The following LUZP2 variants were observed in gnomAD, a reference collection of about 807,000 sequenced individuals.
LUZP2 encodes the protein leucine zipper protein 2.
In LUZP2, 52 loss-of-function variants were observed where a neutral mutation model predicts 51.6. The observed-to-expected ratio is 1.01, with a 90% CI of 0.81 to 1.27. The LOEUF (loss-of-function observed/expected upper bound fraction) is 1.27, where lower values mean the gene tolerates loss of function less well. LUZP2 is among the 50% of genes most tolerant of loss of function. The pLI is 0.00. For synonymous variants in LUZP2, 154 were observed against 137.3 expected, an observed-to-expected ratio of 1.12 and a Z score of -0.85; for missense variants, 436 against 395.4, an observed-to-expected ratio of 1.10 and a Z score of -0.87.
At chr11:24,803,676 CACG>C (rs897813142) in intron 5 of LUZP2, among the ~76,000 whole-genome samples, 1 of 151,928 alleles carries the variant, frequency 6.6e-6, no homozygotes, top group African/African-American at 2.4e-5. Flanking sequence ...TGACATATGC[CACG>C]ACATGATGAA....
chr11:25,020,890 T>C lies in LUZP2; in HGVS notation c.766-29148T>C, dbSNP rs183161647. Reference sequence around the variant, plus strand: ...TCCAAGAGAATAATTTGGAATGTTATTAAATTAGAAATGCTACAAACATTT... The same window carrying C: ...TCCAAGAGAATAATTTGGAATGTTACTAAATTAGAAATGCTACAAACATTT... On this transcript the variant is annotated intron_variant, in intron 9 of 11. Coordinates refer to ENST00000336930, the MANE Select transcript of LUZP2 (RefSeq NM_001009909.4). Among the ~76,000 whole-genome samples the C allele has an allele frequency of 2.4e-4, 36 of 152,236 alleles. No individual in the cohort carries two copies. The East Asian group carries it at 5.4e-3, about 23-fold the overall frequency.
At chr11:24,839,839 A>T (rs886946003) in intron 5 of LUZP2, among the ~76,000 whole-genome samples, 2 of 151,752 alleles carry the variant, frequency 1.3e-5, no homozygotes, top group Non-Finnish European at 3.0e-5. Context: ...TTAGAATATA[A>T]ATGGAAATAA....
intron 7 of LUZP2, among the ~76,000 whole-genome samples, chr11:24,921,366 C>A (rs951184829): frequency 5.3e-5 from 8 of 152,202 alleles, no homozygotes; most frequent in East Asian, 3.9e-4. Flanking sequence ...CCTGGCCCTC[C>A]CACCTTAGTC....
At chr11:24,811,594 C>A (rs143228102) in intron 5 of LUZP2, among the ~76,000 whole-genome samples, 1 of 151,464 alleles carries the variant, frequency 6.6e-6, no homozygotes, top group Admixed American at 6.6e-5. Flanking sequence ...ATTATTTTGT[C>A]GCTGAGGTAA....
intron 5 of LUZP2, among the ~76,000 whole-genome samples, chr11:24,808,571 CTTTGA>C (rs1849921158): frequency 6.6e-6 from 1 of 152,058 alleles, no homozygotes; most frequent in South Asian, 2.1e-4. Context: ...ATTTTTTATA[CTTTGA>C]TTTATTTAAA....
intron 1 of LUZP2, among the ~76,000 whole-genome samples, chr11:24,598,327 G>A (rs1853514170): frequency 6.6e-6 from 1 of 151,906 alleles, no homozygotes; most frequent in Non-Finnish European, 1.5e-5. Context: ...ACAAGCTTCT[G>A]TACAATAAGA....
At chr11:25,030,910 A>T (rs1447262932) in intron 9 of LUZP2, among the ~76,000 whole-genome samples, 1 of 21,624 alleles carries the variant, frequency 4.6e-5, no homozygotes, top group African/African-American at 2.9e-4. Flanking sequence ...TATATAATAT[A>T]TATTGTATTA....
intron 1 of LUZP2, among the ~76,000 whole-genome samples, chr11:24,589,475 G>T (rs1254597317): frequency 6.6e-6 from 1 of 152,112 alleles, no homozygotes; most frequent in East Asian, 1.9e-4. Context: ...TTATTAACTT[G>T]CAATTTAAGT....
chr11:24,934,578 C>T (rs766172712), intron 7 of LUZP2, among the ~76,000 whole-genome samples: 4 of 151,774 alleles, frequency 2.6e-5, no homozygotes, highest in Non-Finnish European at 5.9e-5. Context: ...TCCATTCTCA[C>T]CAAATTTTAC....
At chr11:25,053,924 C>T (rs1357572176) in intron 10 of LUZP2, among the ~76,000 whole-genome samples, 1 of 152,144 alleles carries the variant, frequency 6.6e-6, no homozygotes, top group African/African-American at 2.4e-5. Context: ...CCATCTTCAC[C>T]ATTAAAACCT....
At chr11:25,064,422 T>A (rs565660547) in intron 10 of LUZP2, among the ~76,000 whole-genome samples, 1 of 152,058 alleles carries the variant, frequency 6.6e-6, no homozygotes, top group African/African-American at 2.4e-5. Flanking sequence ...TGATGACTCT[T>A]AAAAAACATG....
intron 3 of LUZP2, among the ~76,000 whole-genome samples, chr11:24,733,099 T>C (rs1257220277): frequency 6.6e-6 from 1 of 151,838 alleles, no homozygotes; most frequent in Non-Finnish European, 1.5e-5. Context: ...TGTCCTCCAT[T>C]GACCTTGGTT....
At chr11:24,816,789 T>G (rs1850195831) in intron 5 of LUZP2, among the ~76,000 whole-genome samples, 1 of 152,138 alleles carries the variant, frequency 6.6e-6, no homozygotes, top group East Asian at 1.9e-4. Flanking sequence ...TCCACTTTGC[T>G]GATGACAAGT....
intron 1 of LUZP2, among the ~76,000 whole-genome samples, chr11:24,554,653 G>T (rs1352377470): frequency 1.3e-5 from 2 of 149,010 alleles, no homozygotes; most frequent in Admixed American, 1.3e-4. Context: ...CCACTAAAAC[G>T]TATGTGTTTG....
At chr11:24,893,655 G>C (rs945716295) in intron 5 of LUZP2, among the ~76,000 whole-genome samples, 1 of 151,894 alleles carries the variant, frequency 6.6e-6, no homozygotes, top group African/African-American at 2.4e-5. Context: ...TATGGAAAGC[G>C]TTTTATTTTC....
rs369089196 is a variant in LUZP2, at chr11:24,881,843, CT to C, written c.397-24143del. ...GAAAAATACAATTGTATAAATTTTA[CT>C]TTTTAAAAATATGTATACTTGTAAA... On this transcript the variant is annotated intron_variant, in intron 5 of 11. Coordinates refer to ENST00000336930, the MANE Select transcript of LUZP2 (RefSeq NM_001009909.4). Among the ~76,000 whole-genome samples the C allele has an allele frequency of 5.1e-4, 78 of 151,994 alleles. No individual in the cohort carries two copies. In the East Asian group the frequency reaches 0.014, roughly 27 times the overall value.
At chr11:24,512,619 G>T (rs1850345386) in intron 1 of LUZP2, among the ~76,000 whole-genome samples, 1 of 152,062 alleles carries the variant, frequency 6.6e-6, no homozygotes, top group South Asian at 2.1e-4. Context: ...CAATGTTAAA[G>T]GAATGATTTT....
At chr11:24,649,089 A>G (rs1394407575) in intron 1 of LUZP2, among the ~76,000 whole-genome samples, 2 of 151,986 alleles carry the variant, frequency 1.3e-5, no homozygotes, top group Non-Finnish European at 2.9e-5. Context: ...AAGACAAAAC[A>G]TGGAGAAAAC....
At chr11:24,992,064 T>C (rs1244930903) in intron 9 of LUZP2, among the ~76,000 whole-genome samples, 1 of 152,126 alleles carries the variant, frequency 6.6e-6, no homozygotes, top group Non-Finnish European at 1.5e-5. Context: ...CAAAAGCTCT[T>C]ATCTATTGTG....
Sources: gnomAD v4.1 joint callset for allele counts (sites outside exome capture counted in the v4.1 genomes callset) on GRCh38, gnomAD v4.1.1 for gene constraint, MANE v1.5 for transcripts, NCBI Gene and HGNC (gene_info 2026-07-23, HGNC 2026-07-21) for gene names.